EIF3M: variants seen among roughly 807,000 people sequenced by gnomAD.
EIF3M encodes B5 receptor.
In EIF3M, 25 loss-of-function variants were observed where a neutral mutation model predicts 49.7. The ratio of observed to expected loss-of-function variants is 0.50; its 90% confidence interval spans 0.37 to 0.70. The LOEUF is 0.70. EIF3M is among the 30% of genes least tolerant of loss of function. The pLI is 0.00. For missense variants in EIF3M, 350 were observed against 440.0 expected (o/e 0.80, Z 1.83); for synonymous variants, 156 against 149.8 (o/e 1.04, Z -0.30).
chr11:32,589,046 ACTC>A lies in EIF3M; in HGVS notation c.352_354del (p.Pro118del), dbSNP rs1292171978. 2 of 1,614,074 alleles carry A rather than the reference ACTC, an allele frequency of 1.2e-6. No individual in the cohort carries two copies. The highest frequency in any genetic ancestry group is 1.7e-6 in the Non-Finnish European group (2 of 1,180,024). ...CCTTTTCCACGGGATGGATAAGAAT[ACTC>A]CTGTAAGATACACAGTGTATTGCAG... On this transcript the variant is annotated inframe_deletion, in exon 4 of 11. Coordinates refer to ENST00000531120, the MANE Select transcript of EIF3M (RefSeq NM_006360.6).
intron 9 of EIF3M, chr11:32,601,500 TTAA>T: frequency 5.3e-6 from 1 of 187,786 alleles, no homozygotes. Flanking sequence ...CTAGCATTCT[TTAA>T]AAAAAAAAAA....
intron 10 of EIF3M, 155 bp downstream of exon 10, chr11:32,601,977 T>G: frequency 1.1e-6 from 1 of 892,236 alleles, no homozygotes; most frequent in Non-Finnish European, 1.7e-6. Context: ...AGACTGAATG[T>G]GATTAGCTTA....
At chr11:32,585,209 G>A (rs977220862) in intron 1 of EIF3M, among the ~76,000 whole-genome samples, 2 of 152,146 alleles carry the variant, frequency 1.3e-5, no homozygotes, top group Non-Finnish European at 2.9e-5. Context: ...CAGATAGGAA[G>A]ATATGAAAGA....
intron 8 of EIF3M, among the ~76,000 whole-genome samples, chr11:32,599,771 A>T (rs1252584454): frequency 1.3e-5 from 2 of 151,934 alleles, no homozygotes; most frequent in Non-Finnish European, 2.9e-5. Flanking sequence ...CCTAATTTTT[A>T]AAATTTCTAG....
At chr11:32,593,562 C>T (rs964328913) in intron 5 of EIF3M, among the ~76,000 whole-genome samples, 1 of 152,216 alleles carries the variant, frequency 6.6e-6, no homozygotes, top group Non-Finnish European at 1.5e-5. Context: ...TCTCAGCTTA[C>T]TTGCCATCTC....
chr11:32,594,044 C>T (rs1855143083), intron 6 of EIF3M, 95 bp downstream of exon 6: 6 of 788,536 alleles, frequency 7.6e-6, no homozygotes, highest in South Asian at 3.4e-5. Flanking sequence ...TTGCAACTAC[C>T]AGTGATCCAG....
chr11:32,589,544 T>G lies in EIF3M; in HGVS notation c.439-3T>G. The G allele has an allele frequency of 6.2e-7, 1 of 1,611,824 alleles. No individual in the cohort carries two copies. Among genetic ancestry groups the G allele is most frequent in the Non-Finnish European group, 8.5e-7 (1 of 1,179,496 alleles). ...GTTTTCTCCTTTTGTCAATCTCTTG[T>G]AGGTTAGAAAATGGATTTCTGACTG... On this transcript the variant is annotated splice_region_variant and splice_polypyrimidine_tract_variant and intron_variant, in intron 4 of 10. Transcript: ENST00000531120.
In EIF3M at chr11:32,602,509, T is replaced by C. The variant is rs961184473; in HGVS notation, c.*110T>C. ...CTGGACAGTTATTGTCTCAAATTTA[T>C]ACTAAAATCACAAACTCCAGAGGAT... On this transcript the variant is annotated 3_prime_UTR_variant, in exon 11 of 11. Transcript: ENST00000531120. The C allele has an allele frequency of 2.3e-6, 3 of 1,301,840 alleles. No homozygotes were observed. The highest frequency in any genetic ancestry group is 3.0e-5 in the African/African-American group (2 of 66,832). The allele number at this position is 1,301,840 out of a possible 1,614,324, so 80.6% of individuals were successfully genotyped here.
At position 32,583,837 on chromosome 11, in the gene EIF3M, CG is replaced by C. The variant is rs769576231; in HGVS notation, c.-49del. ...CGTCGCGCGGCCCAGTTCCCTTTTC[CG>C]GTCGGCGTGGTCTTGCGAGTGGAGT... On this transcript the variant is annotated 5_prime_UTR_variant, in exon 1 of 11. Transcript: ENST00000531120. 1 of 1,599,020 alleles carries C rather than the reference CG, an allele frequency of 6.3e-7. No homozygotes were observed. Among genetic ancestry groups the C allele is most frequent in the African/African-American group, 1.3e-5 (1 of 74,698 alleles).
Position 32,604,806 on chromosome 11 carries a change from T to G in EIF3M, c.*2407T>G, listed in dbSNP as rs1855324621. 6.6e-6 allele frequency: 1 copy of G among 152,230 alleles called. No individual in the cohort carries two copies. The allele number at this position is 152,230 out of a possible 1,614,324, so 9.4% of individuals were successfully genotyped here. A position where few individuals can be genotyped will look rare whatever the true frequency, so the allele number is the denominator to read the frequency against. ...TTCAATTTGACCAGTAAAAGTGGCA[T>G]GTTAGTAACATTGTCATTTTCAGTG... On this transcript the variant is annotated 3_prime_UTR_variant, in exon 11 of 11. Transcript: ENST00000531120.
At chr11:32,589,873 A>T (rs1855073110) in intron 5 of EIF3M, among the ~76,000 whole-genome samples, 1 of 152,176 alleles carries the variant, frequency 6.6e-6, no homozygotes. Context: ...TTTTTCTAAA[A>T]AAAGAAAGGT....
At chr11:32,601,907 T>C in intron 10 of EIF3M, 85 bp downstream of exon 10, 1 of 1,417,274 alleles carries the variant, frequency 7.1e-7, no homozygotes, top group East Asian at 2.3e-5. Context: ...AGAACCAAGG[T>C]GGTGTTATCA....
Position 32,604,742 on chromosome 11 carries a change from T to C in EIF3M, c.*2343T>C, listed in dbSNP as rs994257151. On this transcript the variant is annotated 3_prime_UTR_variant, in exon 11 of 11. Coordinates refer to ENST00000531120, the MANE Select transcript of EIF3M (RefSeq NM_006360.6). Reference sequence around the variant, plus strand: ...TGATTATCATTTGTTCATAAATCTTTGTGAAGATCTTTGGGTACTGCCTTA... The same window carrying C: ...TGATTATCATTTGTTCATAAATCTTCGTGAAGATCTTTGGGTACTGCCTTA... 6.6e-6 allele frequency: 1 copy of C among 152,250 alleles called. No homozygotes were observed. Among genetic ancestry groups the C allele is most frequent in the African/African-American group, 2.4e-5 (1 of 41,470 alleles). The allele number at this position is 152,250 out of a possible 1,614,324, so 9.4% of individuals were successfully genotyped here.
chr11:32,588,984 A>G (rs1554958823), intron 3 of EIF3M, 28 bp from the exon 4 acceptor site: 3 of 1,610,502 alleles, frequency 1.9e-6, no homozygotes. Context: ...GATTTCAAAC[A>G]TTGTTTATTT....
At chr11:32,590,892 C>T (rs1424115335) in intron 5 of EIF3M, among the ~76,000 whole-genome samples, 1 of 151,824 alleles carries the variant, frequency 6.6e-6, no homozygotes, top group Non-Finnish European at 1.5e-5. Context: ...GCTCTGTCGC[C>T]CAGGCTGGAG....
chr11:32,602,111 T>A, intron 10 of EIF3M, 168 bp from the exon 11 acceptor site: 2 of 1,111,936 alleles, frequency 1.8e-6, no homozygotes, highest in Non-Finnish European at 2.6e-6. Flanking sequence ...TTAGGATCAA[T>A]ATGGTAAAGA....
chr11:32,589,487 TTTTATATGTTATAC>T, intron 4 of EIF3M, 46 bp from the exon 5 acceptor site: 1 of 1,521,490 alleles, frequency 6.6e-7, no homozygotes, highest in Non-Finnish European at 9.1e-7. Context: ...AGAAATGTAC[TTTTATATGTTATAC>T]TTTATATGTG....
chr11:32,599,525 T>TTAGAGA (rs1252215875), intron 8 of EIF3M, among the ~76,000 whole-genome samples: 1 of 151,876 alleles, frequency 6.6e-6, no homozygotes, highest in East Asian at 1.9e-4. Context: ...TATGGAGTGT[T>TTAGAGA]TAGAGAGTGA....
chr11:32,603,954 C>G lies in EIF3M; in HGVS notation c.*1555C>G, dbSNP rs530079994. On this transcript the variant is annotated 3_prime_UTR_variant, in exon 11 of 11. Coordinates refer to ENST00000531120, the MANE Select transcript of EIF3M (RefSeq NM_006360.6). ...TGGTGGCATGCAACTGTAGTCCCAG[C>G]TCCTCGGAGGGCTGAGGTGCAAGGA... 1 of 152,252 alleles carries G rather than the reference C, an allele frequency of 6.6e-6. No individual in the cohort carries two copies. The highest frequency in any genetic ancestry group is 1.5e-5 in the Non-Finnish European group (1 of 68,126). The allele number at this position is 152,252 out of a possible 1,614,324, so 9.4% of individuals were successfully genotyped here. A position where few individuals can be genotyped will look rare whatever the true frequency, so the allele number is the denominator to read the frequency against.
Sources: gnomAD v4.1 joint callset for allele counts (sites outside exome capture counted in the v4.1 genomes callset) on GRCh38, gnomAD v4.1.1 for gene constraint, MANE v1.5 for transcripts, NCBI Gene and HGNC (gene_info 2026-07-23, HGNC 2026-07-21) for gene names.